VPS26C: variants seen among roughly 807,000 people sequenced by gnomAD.
VPS26C encodes the protein VPS26 endosomal protein sorting factor C.
A neutral mutation model predicts 30.6 loss-of-function variants in VPS26C; 19 were observed. The ratio of observed to expected loss-of-function variants is 0.62; its 90% CI spans 0.43 to 0.91. The LOEUF is 0.91. Ranked by LOEUF, VPS26C falls within the 40% of genes least tolerant of loss-of-function variation. The probability of loss-of-function intolerance (pLI) is 0.00; values close to 1 mark genes in which losing one functional copy is unlikely to be tolerated. For missense variants in VPS26C, 318 were observed against 385.1 expected, an observed-to-expected ratio of 0.83 and a Z score of 1.46; for synonymous variants, 132 against 151.5, an observed-to-expected ratio of 0.87 and a Z score of 0.95.
At position 37,225,467 on chromosome 21, in the gene VPS26C, T is replaced by A. The variant is rs1343249247; in HGVS notation, c.*77A>T. ...AAAAACAAGTATATGCCGCTGGCTG[T>A]AGCTCCCCTTAGGATTTGGATAACC... On this transcript the variant is annotated 3_prime_UTR_variant, in exon 8 of 8. Transcript: ENST00000309117. The A allele has an allele frequency of 7.2e-6, 9 of 1,242,262 alleles. No individual in the cohort carries two copies. Among genetic ancestry groups the A allele is most frequent in the Non-Finnish European group, 9.5e-6 (8 of 843,092 alleles). The allele number at this position is 1,242,262 out of a possible 1,614,324, so 77.0% of individuals were successfully genotyped here. A position where few individuals can be genotyped will look rare whatever the true frequency, so the allele number is the denominator to read the frequency against.
At chr21:37,227,615 C>T in intron 7 of VPS26C, 39 bp downstream of exon 7, 5 of 1,527,520 alleles carry the variant, frequency 3.3e-6, no homozygotes, top group South Asian at 1.1e-5. Context: ...GCGGCCCTTC[C>T]CATGGGCCCA....
chr21:37,244,699 A>G (rs2086119525), intron 1 of VPS26C, among the ~76,000 whole-genome samples: 1 of 152,230 alleles, frequency 6.6e-6, no homozygotes, highest in Admixed American at 6.5e-5. Flanking sequence ...AAGAATGAGA[A>G]CCAAAACCAC....
chr21:37,227,889 T>C, intron 6 of VPS26C, 83 bp from the exon 7 acceptor site: 2 of 1,557,392 alleles, frequency 1.3e-6, no homozygotes, highest in East Asian at 4.6e-5. Context: ...CCCACCAGTC[T>C]GCTCCAAGAA....
At chr21:37,236,328 G>A (rs967759915) in intron 3 of VPS26C, among the ~76,000 whole-genome samples, 2 of 152,108 alleles carry the variant, frequency 1.3e-5, no homozygotes, top group Non-Finnish European at 2.9e-5. Context: ...AAAACTGTAA[G>A]AAAAAGACCT....
At chr21:37,249,880 A>G (rs147700715) in intron 1 of VPS26C, among the ~76,000 whole-genome samples, 1,910 of 152,360 alleles carry the variant, frequency 0.013, 24 homozygotes, top group Non-Finnish European at 0.021. Flanking sequence ...CAACAGAACA[A>G]AAGTCTAGAA....
chr21:37,252,789 G>A (rs991637736), intron 1 of VPS26C, among the ~76,000 whole-genome samples: 2 of 152,154 alleles, frequency 1.3e-5, no homozygotes, highest in East Asian at 1.9e-4. Context: ...GAATCCGAAC[G>A]AAATGCATTA....
Position 37,224,882 on chromosome 21 carries a change from G to A in VPS26C, c.*662C>T, listed in dbSNP as rs1324002727. On this transcript the variant is annotated 3_prime_UTR_variant, in exon 8 of 8. Transcript: ENST00000309117. ...ACCTGTAATCCCAACTACTCGGGAG[G>A]CTGAGGCAGGAGAGTCGCTTGAACC... 1 of 152,614 alleles carries A rather than the reference G, an allele frequency of 6.6e-6. No individual in the cohort carries two copies. Among genetic ancestry groups the A allele is most frequent in the African/African-American group, 2.4e-5 (1 of 41,452 alleles). 9.5% of individuals were successfully genotyped at this position (152,614 alleles called of 1,614,324 possible). A position where few individuals can be genotyped will look rare whatever the true frequency, so the allele number is the denominator to read the frequency against.
intron 3 of VPS26C, among the ~76,000 whole-genome samples, chr21:37,236,975 C>G (rs917846766): frequency 6.6e-6 from 1 of 152,180 alleles, no homozygotes; most frequent in Non-Finnish European, 1.5e-5. Context: ...GAGATGAGAT[C>G]TTGCGTTGTT....
intron 2 of VPS26C, among the ~76,000 whole-genome samples, chr21:37,240,132 T>C (rs2148292233): frequency 6.6e-6 from 1 of 152,276 alleles, no homozygotes; most frequent in African/African-American, 2.4e-5. Flanking sequence ...AACATGTCTT[T>C]TTTTAAGAGA....
At chr21:37,242,741 A>G (rs2086100396) in intron 1 of VPS26C, among the ~76,000 whole-genome samples, 1 of 152,172 alleles carries the variant, frequency 6.6e-6, no homozygotes, top group Non-Finnish European at 1.5e-5. Context: ...TGCAGTCATA[A>G]CCCTTTCCGT....
intron 1 of VPS26C, 76 bp downstream of exon 1, chr21:37,267,162 C>A: frequency 7.7e-7 from 1 of 1,293,252 alleles, no homozygotes; most frequent in Non-Finnish European, 1.1e-6. Flanking sequence ...GCGGGACGTG[C>A]GCAGAGCGAT....
At chr21:37,228,443 A>G in intron 5 of VPS26C, 70 bp from the exon 6 acceptor site, 1 of 1,558,668 alleles carries the variant, frequency 6.4e-7, no homozygotes, top group South Asian at 1.2e-5. Flanking sequence ...CTTTGGTGCA[A>G]ATAAAACCTG....
rs778794865 is a variant in VPS26C at position 37,240,532 on chromosome 21, A to G, written c.165T>C (p.Ser55=). 5.0e-6 allele frequency: 8 copies of G among 1,613,992 alleles called. No individual in the cohort carries two copies. The highest frequency in any genetic ancestry group is 1.1e-5 in the South Asian group (1 of 91,066). ...TATAAAAAGCTTCAAACACACCCAC[A>G]CTTTTGGCACTGAGCTGGAGGTTTA... is the stretch of plus-strand genomic sequence containing the variant. The part of the protein sequence containing the change: ...GTVNLQLSAK[S]VGVFEAFYNS... Residue 55 remains serine, a synonymous_variant, in exon 2 of 8, where the codon AGT becomes AGC. Transcript: ENST00000309117.
Position 37,233,267 on chromosome 21 carries a change from A to G in VPS26C, c.432+95T>C. ...CTTCTGCCAGCACCCGTGAAACAGT[A>G]AGAGGCTAAATGGTGAGCTTGTAAA... On this transcript the variant is annotated intron_variant, in intron 4 of 7. Transcript: ENST00000309117. The surrounding 1 kb of genome is among the most constrained non-coding windows in gnomAD (Gnocchi z 5.2). The G allele has an allele frequency of 9.2e-7, 1 of 1,087,924 alleles. No individual in the cohort carries two copies. The highest frequency in any genetic ancestry group is 1.4e-6 in the Non-Finnish European group (1 of 712,006). The allele number at this position is 1,087,924 out of a possible 1,614,324, so 67.4% of individuals were successfully genotyped here.
In VPS26C at chr21:37,235,645, A is replaced by T. The variant is rs568316322; in HGVS notation, c.352-2203T>A. 2.3e-4 allele frequency among the ~76,000 whole-genome samples: 35 copies of T among 152,248 alleles called. No homozygotes were observed. The South Asian group carries it at 2.7e-3, about 12-fold the overall frequency. On this transcript the variant is annotated intron_variant, in intron 3 of 7. Transcript: ENST00000309117. ...CTACAATTTAAATTATTGTAAAAAGAAGAAGTAGATGCACAAAGGGCAACT... is the reference window on the plus strand; with the variant it reads ...CTACAATTTAAATTATTGTAAAAAGTAGAAGTAGATGCACAAAGGGCAACT...
In VPS26C at chr21:37,257,099, T is replaced by A. The variant is rs1400727491; in HGVS notation, c.57+10139A>T. Among the ~76,000 whole-genome samples the A allele has an allele frequency of 6.6e-6, 1 of 151,998 alleles. No homozygotes were observed. The highest frequency in any genetic ancestry group is 2.4e-5 in the African/African-American group (1 of 41,364). ...GTGAGCTGAGACTGTACCACTGCACTCCAGCCTGGGTGACAGAGTGAGGCT... is the reference window on the plus strand; with the variant it reads ...GTGAGCTGAGACTGTACCACTGCACACCAGCCTGGGTGACAGAGTGAGGCT... On this transcript the variant is annotated intron_variant, in intron 1 of 7. Transcript: ENST00000309117. The surrounding 1 kb of genome is among the most constrained non-coding windows in gnomAD (Gnocchi z 4.2).
upstream of VPS26C, chr21:37,267,942 A>T (rs1214321985): frequency 6.5e-6 from 1 of 152,770 alleles, no homozygotes; most frequent in Non-Finnish European, 1.5e-5. Flanking sequence ...GGTCACCCTC[A>T]GGGGTGCGGC....
Position 37,257,561 on chromosome 21 carries a change from C to A in VPS26C, c.57+9677G>T, listed in dbSNP as rs1486080486. ...GCACTGCCTGTCTGTATAACAACGA[C>A]CTGATGAAAAAAGGAACGCGTGAAA... On this transcript the variant is annotated intron_variant, in intron 1 of 7. Coordinates refer to ENST00000309117, the MANE Select transcript of VPS26C (RefSeq NM_006052.2). The surrounding 1 kb of genome is among the most constrained non-coding windows in gnomAD (Gnocchi z 4.2). Among the ~76,000 whole-genome samples the A allele has an allele frequency of 6.6e-6, 1 of 152,132 alleles. No individual in the cohort carries two copies. The highest frequency in any genetic ancestry group is 6.5e-5 in the Admixed American group (1 of 15,272).
intron 1 of VPS26C, 93 bp downstream of exon 1, chr21:37,267,145 T>C: frequency 8.4e-7 from 1 of 1,192,068 alleles, no homozygotes; most frequent in Non-Finnish European, 1.2e-6. Flanking sequence ...CTGCCCCGCC[T>C]AGGGACGCGG....
Sources: gnomAD v4.1 joint callset for allele counts (sites outside exome capture counted in the v4.1 genomes callset) on GRCh38, gnomAD v4.1.1 for gene constraint, Gnocchi (gnomAD v3.1) non-coding constraint, MANE v1.5 for transcripts, NCBI Gene and HGNC (gene_info 2026-07-23, HGNC 2026-07-21) for gene names.